NCAM2: variants seen among roughly 807,000 people sequenced by gnomAD.
NCAM2 encodes N-CAM-2.
NCAM2 carries 30 observed loss-of-function variants against 98.1 expected under a neutral mutation model. The ratio of observed to expected loss-of-function variants is 0.31; its 90% CI spans 0.23 to 0.41. NCAM2 has a LOEUF of 0.41. Ranked by LOEUF, NCAM2 falls within the 10% of genes least tolerant of loss-of-function variation. The pLI, the probability that NCAM2 is intolerant of heterozygous loss-of-function variation, is 1.00. For synonymous variants in NCAM2, 368 were observed against 342.4 expected, an observed-to-expected ratio of 1.07 and a Z score of -0.83; for missense variants, 867 against 1,005.8, an observed-to-expected ratio of 0.86 and a Z score of 1.87.
At chr21:21,279,602 CGGCCTT>C (rs1568876757) in intron 1 of NCAM2, among the ~76,000 whole-genome samples, 1 of 152,130 alleles carries the variant, frequency 6.6e-6, no homozygotes, top group African/African-American at 2.4e-5. Context: ...TGTGATCTGC[CGGCCTT>C]GGCCTCCCAA....
intron 1 of NCAM2, among the ~76,000 whole-genome samples, chr21:21,131,188 G>A (rs1452444370): frequency 2.0e-5 from 3 of 151,324 alleles, no homozygotes; most frequent in Admixed American, 6.6e-5. Context: ...AAATGGTGGG[G>A]TTTGTGATAG....
At chr21:21,007,443 C>T (rs1390635114) in intron 1 of NCAM2, among the ~76,000 whole-genome samples, 1 of 152,198 alleles carries the variant, frequency 6.6e-6, no homozygotes, top group Non-Finnish European at 1.5e-5. Context: ...ATGGCTACTT[C>T]ATAGGCAGAG....
chr21:21,543,199 A>G lies in NCAM2; in HGVS notation c.*5242A>G, dbSNP rs1443603801. ...ATGAAATGCTGTATATATATGTCTA[A>G]ACTGTAAAAATTATACTGCAAATGT... On this transcript the variant is annotated 3_prime_UTR_variant, in exon 18 of 18. Coordinates refer to ENST00000400546, the MANE Select transcript of NCAM2 (RefSeq NM_004540.5). 1 of 151,812 alleles carries G rather than the reference A, an allele frequency of 6.6e-6. No homozygotes were observed. The highest frequency in any genetic ancestry group is 1.5e-5 in the Non-Finnish European group (1 of 67,856). The allele number at this position is 151,812 out of a possible 1,614,324, so 9.4% of individuals were successfully genotyped here.
At chr21:21,079,629 C>T (rs535654785) in intron 1 of NCAM2, among the ~76,000 whole-genome samples, 35 of 152,086 alleles carry the variant, frequency 2.3e-4, no homozygotes, top group African/African-American at 8.2e-4. Flanking sequence ...CACTATGACA[C>T]TCTTGTGTTA....
intron 1 of NCAM2, among the ~76,000 whole-genome samples, chr21:21,170,806 G>A (rs1392182208): frequency 6.6e-6 from 1 of 150,754 alleles, no homozygotes; most frequent in East Asian, 2.0e-4. Flanking sequence ...TGTAACAAAT[G>A]CATCACTGTG....
intron 1 of NCAM2, among the ~76,000 whole-genome samples, chr21:21,149,249 G>A (rs143244938): frequency 2.1e-4 from 32 of 152,178 alleles, no homozygotes; most frequent in African/African-American, 7.7e-4. Flanking sequence ...CTCAAAAAAA[G>A]TCTGCAGTTC....
chr21:21,090,800 C>A (rs1360643306), intron 1 of NCAM2, among the ~76,000 whole-genome samples: 1 of 152,138 alleles, frequency 6.6e-6, no homozygotes, highest in East Asian at 1.9e-4. Context: ...ACAAACTCTG[C>A]CTCAGTATTC....
chr21:21,534,445 A>C, intron 16 of NCAM2, 92 bp from the exon 17 acceptor site: 1 of 1,054,304 alleles, frequency 9.5e-7, no homozygotes, highest in Non-Finnish European at 1.3e-6. Context: ...ATTTGGAGGA[A>C]GGTAGAATTG....
At chr21:21,344,185 C>A (rs886368657) in intron 8 of NCAM2, among the ~76,000 whole-genome samples, 5 of 152,164 alleles carry the variant, frequency 3.3e-5, no homozygotes, top group African/African-American at 1.2e-4. Context: ...CCAGTCCTGG[C>A]AGCATTCATC....
chr21:21,238,116 C>T (rs949916017), intron 1 of NCAM2, among the ~76,000 whole-genome samples: 3 of 151,888 alleles, frequency 2.0e-5, no homozygotes, highest in South Asian at 2.1e-4. Flanking sequence ...CCACCACGCC[C>T]GGCCAATTTT....
chr21:21,457,297 C>G (rs1982290244), intron 12 of NCAM2, among the ~76,000 whole-genome samples: 1 of 151,996 alleles, frequency 6.6e-6, no homozygotes, highest in East Asian at 1.9e-4. Context: ...AGGTCTCAGA[C>G]AAAAATTATG....
chr21:21,408,021 C>T (rs1427371639), intron 9 of NCAM2, among the ~76,000 whole-genome samples: 5 of 152,052 alleles, frequency 3.3e-5, no homozygotes, highest in Admixed American at 1.3e-4. Flanking sequence ...ATTCAATGTA[C>T]AGTTTAAAAA....
chr21:21,195,330 G>T (rs1283125689), intron 1 of NCAM2, among the ~76,000 whole-genome samples: 2 of 152,128 alleles, frequency 1.3e-5, no homozygotes, highest in Non-Finnish European at 2.9e-5. Context: ...ACAACTTTCA[G>T]TAAAATTATT....
rs1044897375 is a variant in NCAM2, at chr21:21,541,222, A to G, written c.*3265A>G. On this transcript the variant is annotated 3_prime_UTR_variant, in exon 18 of 18. Transcript: ENST00000400546. ...AATTAAGATGTATCTGTGCCTTTTA[A>G]TTAGCATGACAGTCTGCTTTATTAA... 6.6e-6 allele frequency: 1 copy of G among 151,520 alleles called. No individual in the cohort carries two copies. Among genetic ancestry groups the G allele is most frequent in the Admixed American group, 6.6e-5 (1 of 15,192 alleles). 9.4% of individuals were successfully genotyped at this position (151,520 alleles called of 1,614,324 possible). A position where few individuals can be genotyped will look rare whatever the true frequency, so the allele number is the denominator to read the frequency against.
intron 1 of NCAM2, among the ~76,000 whole-genome samples, chr21:21,235,434 C>A (rs990313831): frequency 6.6e-6 from 1 of 151,700 alleles, no homozygotes; most frequent in Admixed American, 6.6e-5. Flanking sequence ...GACCAGCATT[C>A]GAAAAAATAT....
intron 17 of NCAM2, among the ~76,000 whole-genome samples, chr21:21,537,120 A>G (rs1990022297): frequency 6.6e-6 from 1 of 151,962 alleles, no homozygotes; most frequent in East Asian, 1.9e-4. Flanking sequence ...ATTATTTGAG[A>G]TGGAGTCTTG....
At chr21:21,089,377 T>G (rs1354011291) in intron 1 of NCAM2, among the ~76,000 whole-genome samples, 1 of 152,096 alleles carries the variant, frequency 6.6e-6, no homozygotes, top group Admixed American at 6.6e-5. Context: ...CTATGAGAAT[T>G]TTCTCTCCCT....
rs1325717019 is a variant in NCAM2, at chr21:21,411,799, C to T, written c.1383+1338C>T. 9.9e-5 allele frequency among the ~76,000 whole-genome samples: 15 copies of T among 152,086 alleles called. 1 individual carries two copies. Among genetic ancestry groups the T allele is most frequent in the Non-Finnish European group, 2.9e-5 (2 of 68,020 alleles). The stretch of plus-strand genomic sequence containing the variant: ...ATGCCATTTAGACTTTAAAAAAATT[C>T]GTTTGATAGGAGGATTTAGCCATCA... On this transcript the variant is annotated intron_variant, in intron 10 of 17. Coordinates refer to ENST00000400546, the MANE Select transcript of NCAM2 (RefSeq NM_004540.5).
chr21:21,444,191 T>G (rs539808357), intron 12 of NCAM2, among the ~76,000 whole-genome samples: 1 of 152,326 alleles, frequency 6.6e-6, no homozygotes, highest in South Asian at 2.1e-4. Flanking sequence ...GCTGACTTGA[T>G]CATGGTGGGT....
Sources: allele counts gnomAD v4.1 joint callset (sites outside exome capture counted in the v4.1 genomes callset), GRCh38; gene constraint gnomAD v4.1.1; transcripts MANE v1.5; gene names NCBI Gene and HGNC (gene_info 2026-07-23, HGNC 2026-07-21).